BACH2: variants seen among roughly 807,000 people sequenced by gnomAD.
BACH2 encodes the protein BACH transcriptional regulator 2.
In BACH2, 5 loss-of-function variants were observed where a neutral mutation model predicts 61.8. The observed-to-expected ratio is 0.08, with a 90% CI of 0.04 to 0.17. The LOEUF is 0.17. Among genes scored for constraint, BACH2 ranks in the 10% least tolerant of loss-of-function variants. The pLI is 1.00. For missense variants in BACH2, 824 were observed against 1,091.1 expected, an observed-to-expected ratio of 0.76 and a Z score of 3.45; for synonymous variants, 446 against 440.1, an observed-to-expected ratio of 1.01 and a Z score of -0.17.
At chr6:89,946,024 G>A (rs1468768460) in intron 7 of BACH2, among the ~76,000 whole-genome samples, 1 of 151,972 alleles carries the variant, frequency 6.6e-6, no homozygotes, top group Non-Finnish European at 1.5e-5. Context: ...CTTATACCTT[G>A]ACTACATAAA....
intron 4 of BACH2, among the ~76,000 whole-genome samples, chr6:90,100,248 T>C (rs1453844222): frequency 1.3e-5 from 2 of 152,246 alleles, no homozygotes; most frequent in South Asian, 2.1e-4. Flanking sequence ...CATTTTTGTA[T>C]GGTTAGACAT....
At chr6:90,143,005 G>A (rs1178145398) in intron 4 of BACH2, among the ~76,000 whole-genome samples, 1 of 152,166 alleles carries the variant, frequency 6.6e-6, no homozygotes, top group East Asian at 1.9e-4. Flanking sequence ...ACAGCCAGTT[G>A]CAAGTTAGTT....
intron 4 of BACH2, among the ~76,000 whole-genome samples, chr6:90,173,442 A>C (rs1298544380): frequency 6.6e-6 from 1 of 152,180 alleles, no homozygotes; most frequent in Non-Finnish European, 1.5e-5. Context: ...AAAAACAAAC[A>C]AACGAAAAAC....
At chr6:90,295,031 AGAGT>A (rs1045889026) in intron 1 of BACH2, among the ~76,000 whole-genome samples, 1 of 152,212 alleles carries the variant, frequency 6.6e-6, no homozygotes, top group Non-Finnish European at 1.5e-5. Flanking sequence ...AAATTTACAG[AGAGT>A]GAGAGACTGC....
Position 90,182,405 on chromosome 6 carries a change from G to A in BACH2, c.-162+24164C>T, listed in dbSNP as rs537038070. Among the ~76,000 whole-genome samples, 6 of 152,176 alleles carry A rather than the reference G, an allele frequency of 3.9e-5. No homozygotes were observed. The South Asian group carries it at 6.2e-4, about 16-fold the overall frequency. Reference sequence around the variant, plus strand: ...CTTGAAGTTGCAGCTCAAATATCACGTTCTCCGTCAAGGATTTCCTACCTC... The same window carrying A: ...CTTGAAGTTGCAGCTCAAATATCACATTCTCCGTCAAGGATTTCCTACCTC... On this transcript the variant is annotated intron_variant, in intron 4 of 8. Transcript: ENST00000257749.
At chr6:90,190,691 C>CT (rs1367448840) in intron 4 of BACH2, among the ~76,000 whole-genome samples, 5 of 152,214 alleles carry the variant, frequency 3.3e-5, no homozygotes, top group African/African-American at 4.8e-5. Context: ...GCTGAAGCCC[C>CT]TTGGCGAATC....
chr6:90,126,867 G>C (rs1236408514), intron 4 of BACH2, among the ~76,000 whole-genome samples: 1 of 152,256 alleles, frequency 6.6e-6, no homozygotes, highest in African/African-American at 2.4e-5. Context: ...TCTAACAGCC[G>C]AGTGGTCAAA....
intron 5 of BACH2, among the ~76,000 whole-genome samples, chr6:90,044,025 T>C (rs1470060229): frequency 6.6e-6 from 1 of 152,158 alleles, no homozygotes. Context: ...GTGTCTACCA[T>C]GTATAACACA....
chr6:89,937,937 G>A (rs1276654567), intron 8 of BACH2, among the ~76,000 whole-genome samples: 1 of 151,968 alleles, frequency 6.6e-6, no homozygotes. Context: ...ACACCTGCGC[G>A]CATGCATGCG....
chr6:89,989,271 G>A (rs1308113392), intron 6 of BACH2, among the ~76,000 whole-genome samples: 2 of 152,160 alleles, frequency 1.3e-5, no homozygotes, highest in African/African-American at 4.8e-5. Context: ...TTGGAAATCT[G>A]AAAATCTATA....
chr6:89,932,498 T>C lies in BACH2; in HGVS notation c.2436A>G (p.Glu812=). ...CCACGGTCACTGTTTGGCTCCTGGGTTCAAGAGGAGGTCCTCTCTCTGAGA... is the reference window on the plus strand; with the variant it reads ...CCACGGTCACTGTTTGGCTCCTGGGCTCAAGAGGAGGTCCTCTCTCTGAGA... The part of the protein sequence containing the change: ...GTFSERGPPL[E]PRSQTVTVDF... The change falls in exon 9 of 9, where the codon GAA becomes GAG. Residue 812 remains glutamate, a synonymous_variant. Coordinates refer to ENST00000257749, the MANE Select transcript of BACH2 (RefSeq NM_021813.4). 1 of 1,614,012 alleles carries C rather than the reference T, an allele frequency of 6.2e-7. No individual in the cohort carries two copies. Among genetic ancestry groups the C allele is most frequent in the Non-Finnish European group, 8.5e-7 (1 of 1,179,996 alleles).
chr6:90,121,534 T>TATTA (rs909995478), intron 4 of BACH2, among the ~76,000 whole-genome samples: 3 of 152,216 alleles, frequency 2.0e-5, no homozygotes, highest in African/African-American at 7.2e-5. Context: ...CTTTGCATTT[T>TATTA]ATTAATTAAT....
At chr6:89,992,353 T>C (rs1170709429) in intron 6 of BACH2, among the ~76,000 whole-genome samples, 1 of 152,204 alleles carries the variant, frequency 6.6e-6, no homozygotes, top group Non-Finnish European at 1.5e-5. Context: ...AAATTACTCA[T>C]ATTGGGGCCA....
At chr6:90,226,905 T>C (rs1769933067) in intron 3 of BACH2, among the ~76,000 whole-genome samples, 1 of 152,244 alleles carries the variant, frequency 6.6e-6, no homozygotes, top group South Asian at 2.1e-4. Flanking sequence ...CTTACTACAA[T>C]TAACATCTTG....
At chr6:90,294,643 C>T (rs1355480731) in intron 1 of BACH2, among the ~76,000 whole-genome samples, 1 of 152,070 alleles carries the variant, frequency 6.6e-6, no homozygotes, top group Admixed American at 6.6e-5. Flanking sequence ...TTTTGACTCA[C>T]GTTTATTATT....
At chr6:90,286,498 G>T (rs917012079) in intron 1 of BACH2, among the ~76,000 whole-genome samples, 1 of 152,252 alleles carries the variant, frequency 6.6e-6, no homozygotes, top group Admixed American at 6.5e-5. Flanking sequence ...TTGATAGTCC[G>T]TGAAAATGTC....
intron 4 of BACH2, among the ~76,000 whole-genome samples, chr6:90,133,020 G>A (rs1469489669): frequency 6.6e-6 from 1 of 152,228 alleles, no homozygotes; most frequent in East Asian, 1.9e-4. Flanking sequence ...TTGGTGATAA[G>A]TAGAGTACTT....
intron 6 of BACH2, among the ~76,000 whole-genome samples, chr6:89,965,414 TC>T (rs1315995923): frequency 6.6e-6 from 1 of 152,242 alleles, no homozygotes; most frequent in Non-Finnish European, 1.5e-5. Flanking sequence ...TCTTGATTTA[TC>T]CCATGATTTA....
intron 4 of BACH2, among the ~76,000 whole-genome samples, chr6:90,129,792 T>C (rs1784016940): frequency 6.6e-6 from 1 of 152,200 alleles, no homozygotes; most frequent in Admixed American, 6.5e-5. Context: ...AAAGGAATGC[T>C]TGTGATTTTT....
Sources: gnomAD v4.1 joint callset for allele counts (sites outside exome capture counted in the v4.1 genomes callset) on GRCh38, gnomAD v4.1.1 for gene constraint, MANE v1.5 for transcripts, NCBI Gene and HGNC (gene_info 2026-07-23, HGNC 2026-07-21) for gene names.